GCKR: variants seen among roughly 807,000 people sequenced by gnomAD.
GCKR encodes the protein glucokinase regulator, also known as glucokinase regulatory protein.
A neutral mutation model predicts 82.9 loss-of-function variants in GCKR; 73 were observed. The ratio of observed to expected loss-of-function variants is 0.88; its 90% CI spans 0.73 to 1.07. The LOEUF (loss-of-function observed/expected upper bound fraction) is 1.07. Ranked by LOEUF, GCKR falls within the 50% of genes least tolerant of loss-of-function variation. GCKR has a pLI of 0.00. For missense variants in GCKR, 784 were observed against 782.1 expected (o/e 1.00, Z -0.03); for synonymous variants, 294 against 291.8 (o/e 1.01, Z -0.08).
intron 16 of GCKR, among the ~76,000 whole-genome samples, chr2:27,512,535 A>C (rs1265876442): frequency 9.3e-6 from 1 of 106,976 alleles, no homozygotes; most frequent in African/African-American, 6.0e-5. Flanking sequence ...ACTCCATCTC[A>C]AAAAAAAAAA....
At chr2:27,518,763 A>C in intron 16 of GCKR, 25 bp from the exon 17 acceptor site, 1 of 1,604,626 alleles carries the variant, frequency 6.2e-7, no homozygotes, top group Non-Finnish European at 8.5e-7. Flanking sequence ...AATTTTTGAC[A>C]CCCCCATGTG....
rs143918442 is a variant in GCKR, at chr2:27,512,025, G to A, written c.1422+3774G>A. ...GGAGGCCAAGGCAGGCAGATCACAA[G>A]GTCAGGAGTTCGAGACCAGCCTGAT... On this transcript the variant is annotated intron_variant, in intron 16 of 18. Coordinates refer to ENST00000264717, the MANE Select transcript of GCKR (RefSeq NM_001486.4). Among the ~76,000 whole-genome samples, 1,485 of 152,202 alleles carry A rather than the reference G, an allele frequency of 9.8e-3. 29 individuals carry two copies. Among genetic ancestry groups the A allele is most frequent in the African/African-American group, 0.034 (1,419 of 41,520 alleles).
Position 27,497,595 on chromosome 2 carries a change from G to C in GCKR, c.250G>C (p.Val84Leu). The change falls in exon 3 of 19, where the codon GTA (valine) becomes CTA (leucine). Residue 84 changes from valine (V) to leucine (L), a missense_variant. Coordinates refer to ENST00000264717, the MANE Select transcript of GCKR (RefSeq NM_001486.4). Reference sequence around the variant, plus strand: ...CAGCGAATCCATTCTGACCACCATGGTACAGGTGGCTGGGAAAGTTCAGGA... The same window carrying C: ...CAGCGAATCCATTCTGACCACCATGCTACAGGTGGCTGGGAAAGTTCAGGA... ...LYSESILTTMVQVAGKVQEVL... is the reference protein window; with the variant it reads ...LYSESILTTMLQVAGKVQEVL... 6.2e-7 allele frequency: 1 copy of C among 1,612,894 alleles called. No homozygotes were observed. The highest frequency in any genetic ancestry group is 1.3e-5 in the African/African-American group (1 of 75,006).
chr2:27,498,551 C>T (rs1669481542), intron 4 of GCKR, among the ~76,000 whole-genome samples, 173 bp from the exon 5 acceptor site: 1 of 152,200 alleles, frequency 6.6e-6, no homozygotes, highest in Non-Finnish European at 1.5e-5. Context: ...TCCCATGCAC[C>T]ACCGACTAAT....
Position 27,506,530 on chromosome 2 carries a change from T to G in GCKR, c.919T>G (p.Tyr307Asp), listed in dbSNP as rs34498189. Residue 307 changes from tyrosine to aspartate, a missense_variant, in exon 11 of 19, where the codon TAC becomes GAC. By Grantham distance (160) the Tyr-to-Asp change is radical (BLOSUM62 -3). Coordinates refer to ENST00000264717, the MANE Select transcript of GCKR (RefSeq NM_001486.4). Reference protein sequence around the residue: ...RTFERAHQVTYSQSPKIATLM... With the variant: ...RTFERAHQVTDSQSPKIATLM... ...ATTTGAGCGAGCTCATCAGGTGACC[T>G]ACAGCCAAAGCCCCAAGATTGCCAC... The G allele has an allele frequency of 9.9e-5, 159 of 1,613,970 alleles. 1 individual carries two copies. The African/African-American group carries it at 1.9e-3, about 19-fold the overall frequency.
chr2:27,512,184 A>C (rs1669899729), intron 16 of GCKR, among the ~76,000 whole-genome samples: 1 of 140,742 alleles, frequency 7.1e-6, no homozygotes, highest in Non-Finnish European at 1.5e-5. Flanking sequence ...GGTTGCAGTG[A>C]GCTGAGATCA....
At chr2:27,518,667 T>C in intron 16 of GCKR, 121 bp from the exon 17 acceptor site, 1 of 823,800 alleles carries the variant, frequency 1.2e-6, no homozygotes, top group Non-Finnish European at 2.1e-6. Flanking sequence ...AAACAAATCA[T>C]GTTTGCATTT....
chr2:27,521,944 G>A (rs909438068), intron 17 of GCKR, among the ~76,000 whole-genome samples: 1 of 151,138 alleles, frequency 6.6e-6, no homozygotes, highest in Non-Finnish European at 1.5e-5. Context: ...GGCTGGTCTC[G>A]AACTCCTGGG....
chr2:27,497,625 CTGAAGGTACT>C lies in GCKR; in HGVS notation c.281_285+5del. 1 of 1,599,828 alleles carries C rather than the reference CTGAAGGTACT, an allele frequency of 6.3e-7. No individual in the cohort carries two copies. Among genetic ancestry groups the C allele is most frequent in the Non-Finnish European group, 8.6e-7 (1 of 1,166,934 alleles). On this transcript the variant is annotated splice_donor_variant and splice_donor_5th_base_variant and coding_sequence_variant and intron_variant, in exon 3 of 19. Transcript: ENST00000264717. LOFTEE classifies it high-confidence loss of function. ...GGTGGCTGGGAAAGTTCAGGAAGTG[CTGAAGGTACT>C]AACCTTCCTTCTGTTCCCTGCCTAA...
At chr2:27,501,065 G>C in intron 7 of GCKR, 70 bp from the exon 8 acceptor site, 1 of 1,018,212 alleles carries the variant, frequency 9.8e-7, no homozygotes, top group South Asian at 1.3e-5. Flanking sequence ...GGGTTCTGAT[G>C]CACTTGAGCC....
intron 8 of GCKR, chr2:27,501,782 C>T (rs1229841465): frequency 8.5e-6 from 4 of 471,260 alleles, no homozygotes; most frequent in Admixed American, 7.0e-5. Context: ...CTCTTATTCT[C>T]TATGTCAGTG....
intron 13 of GCKR, 78 bp downstream of exon 13, chr2:27,507,389 C>A (rs8179218): frequency 9.7e-6 from 9 of 925,190 alleles, no homozygotes; most frequent in South Asian, 9.0e-5. Flanking sequence ...GAAGGCGGAG[C>A]TAGGTGGGAA....
intron 8 of GCKR, among the ~76,000 whole-genome samples, chr2:27,501,487 A>G (rs1239948012): frequency 1.3e-5 from 2 of 152,268 alleles, no homozygotes; most frequent in East Asian, 1.9e-4. Flanking sequence ...CATTCAAAAC[A>G]GGGATTGAAG....
In GCKR at chr2:27,522,472, C is replaced by T. The variant is rs576152450; in HGVS notation, c.1585C>T (p.Gln529Ter). Reference protein sequence around the residue: ...ALAMLQRFSGQSKARCIESLL... With the variant: ...ALAMLQRFSG ...ACTTCTTCCTTAGCGGTTCTCTGGA[C>T]AGTCCAAGGCTCGATGCATCGAGAG... Residue 529 changes from glutamine to a stop codon, truncating the protein, a stop_gained, in exon 18 of 19, where the codon CAG becomes TAG. Transcript: ENST00000264717. LOFTEE classifies it high-confidence loss of function. 19 of 1,613,824 alleles carry T rather than the reference C, an allele frequency of 1.2e-5. No individual in the cohort carries two copies. In the Admixed American group the frequency reaches 3.2e-4, roughly 27 times the overall value.
chr2:27,522,902 T>G (rs1670185001), intron 18 of GCKR, among the ~76,000 whole-genome samples: 1 of 151,692 alleles, frequency 6.6e-6, no homozygotes, highest in Non-Finnish European at 1.5e-5. Flanking sequence ...GTTCTGTTTT[T>G]TTTTTTTTTT....
chr2:27,506,412 T>A (rs778860337), intron 10 of GCKR, 69 bp from the exon 11 acceptor site: 142 of 1,018,678 alleles, frequency 1.4e-4, no homozygotes, highest in Non-Finnish European at 2.8e-5. Context: ...ACCTCCCCGC[T>A]CAGGGAGGCA....
At chr2:27,497,689 A>G in intron 3 of GCKR, 59 bp downstream of exon 3, 1 of 1,028,616 alleles carries the variant, frequency 9.7e-7, no homozygotes, top group Middle Eastern at 2.0e-4. Context: ...TTCTCTTTTT[A>G]CTGTCTCTAT....
At chr2:27,499,239 A>G (rs945093972) in intron 6 of GCKR, 31 bp downstream of exon 6, 1 of 1,519,704 alleles carries the variant, frequency 6.6e-7, no homozygotes, top group Non-Finnish European at 9.1e-7. Flanking sequence ...TTGACCAGAG[A>G]CCTCTATCTG....
At chr2:27,518,739 CT>C in intron 16 of GCKR, 48 bp from the exon 17 acceptor site, 3 of 1,523,030 alleles carry the variant, frequency 2.0e-6, no homozygotes, top group Non-Finnish European at 2.7e-6. Flanking sequence ...CACTCTGCTG[CT>C]TTTCTGTCCT....
Sources: allele counts gnomAD v4.1 joint callset (sites outside exome capture counted in the v4.1 genomes callset), GRCh38; gene constraint gnomAD v4.1.1; transcripts MANE v1.5; gene names NCBI Gene and HGNC (gene_info 2026-07-23, HGNC 2026-07-21).